UNC80: variants seen among roughly 807,000 people sequenced by gnomAD.
UNC80 encodes the protein protein unc-80 homolog.
Under a neutral mutation model 384.6 loss-of-function variants are expected in UNC80, and 164 were observed. The ratio of observed to expected loss-of-function variants is 0.43; its 90% CI spans 0.38 to 0.49. The LOEUF (loss-of-function observed/expected upper bound fraction) is 0.49. Among genes scored for constraint, UNC80 ranks in the 20% least tolerant of loss-of-function variants. UNC80 has a pLI of 0.00. For synonymous variants in UNC80, 1,486 were observed against 1,527.8 expected (o/e 0.97, Z 0.64); for missense variants, 3,330 against 4,143.0 (o/e 0.80, Z 5.39).
At chr2:209,860,988 C>T (rs184212108) in intron 22 of UNC80, among the ~76,000 whole-genome samples, 1 of 152,372 alleles carries the variant, frequency 6.6e-6, no homozygotes, top group Admixed American at 6.5e-5. Context: ...ATCATGTCGT[C>T]TGCAAACAAT....
chr2:209,844,917 A>C (rs1407483524), intron 21 of UNC80, among the ~76,000 whole-genome samples: 1 of 151,786 alleles, frequency 6.6e-6, no homozygotes, highest in Admixed American at 6.6e-5. Flanking sequence ...ATTTCTTCTT[A>C]AGTGAACTTT....
At chr2:209,954,687 T>G (rs1295553746) in intron 48 of UNC80, among the ~76,000 whole-genome samples, 1 of 152,242 alleles carries the variant, frequency 6.6e-6, no homozygotes, top group Non-Finnish European at 1.5e-5. Context: ...CTAAGTATTC[T>G]TTTATTATTT....
At chr2:209,785,892 C>T (rs1001920527) in intron 4 of UNC80, among the ~76,000 whole-genome samples, 174 bp from the exon 5 acceptor site, 1 of 152,128 alleles carries the variant, frequency 6.6e-6, no homozygotes, top group Non-Finnish European at 1.5e-5. Context: ...GCAGTGATAA[C>T]TTTGGGTCAT....
intron 35 of UNC80, among the ~76,000 whole-genome samples, chr2:209,924,473 G>GCA (rs1186586953): frequency 5.3e-5 from 8 of 152,180 alleles, no homozygotes; most frequent in African/African-American, 7.2e-5. Flanking sequence ...GTGTGTTGAG[G>GCA]CACATCTTCA....
At chr2:209,841,572 G>C (rs1055909547) in intron 20 of UNC80, among the ~76,000 whole-genome samples, 7 of 152,086 alleles carry the variant, frequency 4.6e-5, no homozygotes, top group Admixed American at 2.0e-4. Context: ...GGATGGTCTC[G>C]ATCTCTTGAT....
Position 209,979,485 on chromosome 2 carries a change from G to A in UNC80, c.9118+777G>A, listed in dbSNP as rs549989124. On this transcript the variant is annotated intron_variant, in intron 59 of 64. Transcript: ENST00000673920. ...AAAAGACCAGTTGGCTCTACCAGCC[G>A]GTATGTAAACCAGCAGGCTGTCTTG... 6.6e-5 allele frequency among the ~76,000 whole-genome samples: 10 copies of A among 152,240 alleles called. No individual in the cohort carries two copies. In the East Asian group the frequency reaches 1.4e-3, roughly 21 times the overall value.
intron 47 of UNC80, among the ~76,000 whole-genome samples, chr2:209,948,739 C>T (rs900473995): frequency 2.0e-5 from 3 of 151,948 alleles, no homozygotes; most frequent in East Asian, 1.9e-4. Flanking sequence ...TTTCTGATCC[C>T]GGGGTATGGA....
At chr2:209,888,325 A>T in intron 26 of UNC80, 65 bp downstream of exon 26, 1 of 1,513,222 alleles carries the variant, frequency 6.6e-7, no homozygotes, top group Non-Finnish European at 8.9e-7. Flanking sequence ...TATTTGCACT[A>T]GGGTCTAAAC....
In UNC80 at chr2:209,992,169, G is replaced by A. The variant is rs1227631080; in HGVS notation, c.9318G>A (p.Val3106=). 4.5e-6 allele frequency: 7 copies of A among 1,551,480 alleles called. No homozygotes were observed. The Admixed American group carries it at 1.4e-4, about 30-fold the overall frequency. The change falls in exon 62 of 65, where the codon GTG becomes GTA. Residue 3106 remains valine (V), a synonymous_variant. Coordinates refer to ENST00000673920, the MANE Select transcript of UNC80 (RefSeq NM_001371986.1). ...GLAAEGSLSR[V]ASIQSEPGQQ... ...TAACACTGTTGATGCTTGGCAGGGTGGCAAGTATACAGAGTGAACCTGGTC... is the reference window on the plus strand; with the variant it reads ...TAACACTGTTGATGCTTGGCAGGGTAGCAAGTATACAGAGTGAACCTGGTC...
intron 61 of UNC80, among the ~76,000 whole-genome samples, chr2:209,988,101 A>G (rs1338862376): frequency 9.9e-5 from 15 of 152,180 alleles, no homozygotes; most frequent in Non-Finnish European, 1.6e-4. Flanking sequence ...ATTTTAAACA[A>G]TAATCTTTTA....
rs368238354 is a variant in UNC80 at position 209,874,426 on chromosome 2, G to A, written c.3840+1456G>A. Among the ~76,000 whole-genome samples, 12 of 152,308 alleles carry A rather than the reference G, an allele frequency of 7.9e-5. No homozygotes were observed. The South Asian group carries it at 2.5e-3, about 32-fold the overall frequency. On this transcript the variant is annotated intron_variant, in intron 23 of 64. Transcript: ENST00000673920. ...GAAAACCATTAAGTGCTACACATTTGAGAGTTTCAGGTTTATAGGGAGATT... is the reference window on the plus strand; with the variant it reads ...GAAAACCATTAAGTGCTACACATTTAAGAGTTTCAGGTTTATAGGGAGATT...
intron 40 of UNC80, 59 bp from the exon 41 acceptor site, chr2:209,936,785 A>T: frequency 5.0e-6 from 6 of 1,208,904 alleles, no homozygotes; most frequent in Non-Finnish European, 6.0e-6. Flanking sequence ...TCACCTTACT[A>T]CCTAGCACAT....
In UNC80 at chr2:209,872,193, A is replaced by G. The variant is rs189670845; in HGVS notation, c.3628-565A>G. On this transcript the variant is annotated intron_variant, in intron 22 of 64. Coordinates refer to ENST00000673920, the MANE Select transcript of UNC80 (RefSeq NM_001371986.1). The surrounding 1 kb of genome is among the most constrained non-coding windows in gnomAD (Gnocchi z 4.1). ...TTTTTAGTGGAGATGAAGTTTCATCATGTTGGCCAGGCTGGTCTTGAACTT... is the reference window on the plus strand; with the variant it reads ...TTTTTAGTGGAGATGAAGTTTCATCGTGTTGGCCAGGCTGGTCTTGAACTT... 7.9e-5 allele frequency among the ~76,000 whole-genome samples: 12 copies of G among 152,120 alleles called. No homozygotes were observed. The highest frequency in any genetic ancestry group is 2.9e-4 in the African/African-American group (12 of 41,510).
At chr2:209,915,144 A>G in intron 31 of UNC80, among the ~76,000 whole-genome samples, 1 of 151,926 alleles carries the variant, frequency 6.6e-6, no homozygotes, top group Non-Finnish European at 1.5e-5. Flanking sequence ...CAGGAAGGGA[A>G]GATGGTGTGT....
chr2:209,808,712 G>A (rs535565572), intron 7 of UNC80: 1 of 210,458 alleles, frequency 4.8e-6, no homozygotes, highest in South Asian at 6.5e-5. Flanking sequence ...AGTTGGCGGA[G>A]CGGCTGCACT....
chr2:209,953,174 T>G (rs2092264810), intron 47 of UNC80, among the ~76,000 whole-genome samples: 1 of 152,050 alleles, frequency 6.6e-6, no homozygotes, highest in Non-Finnish European at 1.5e-5. Context: ...TCCCAGATCT[T>G]TGGGAGGCTG....
At chr2:209,941,520 A>G (rs1272682033) in intron 44 of UNC80, 31 bp downstream of exon 44, 3 of 1,511,794 alleles carry the variant, frequency 2.0e-6, no homozygotes, top group Admixed American at 2.0e-5. Context: ...CAACCAGAAA[A>G]TTAACATGAG....
intron 47 of UNC80, among the ~76,000 whole-genome samples, chr2:209,950,911 G>A (rs1455207569): frequency 6.6e-6 from 1 of 151,706 alleles, no homozygotes; most frequent in Middle Eastern, 3.2e-3. Context: ...AGTGGCTCAC[G>A]CCTGGAATCC....
In UNC80 at chr2:209,963,263, TTC is replaced by T. The variant is rs2125004749; in HGVS notation, c.7805+3560_7805+3561del. On this transcript the variant is annotated intron_variant, in intron 51 of 64. Coordinates refer to ENST00000673920, the MANE Select transcript of UNC80 (RefSeq NM_001371986.1). ...TCGTGTGTGGTCTCTATCTCTCTCA[TTC>T]TCTTTCTCTCTTTCTCTTTTCCTCT... Among the ~76,000 whole-genome samples, 2 of 152,320 alleles carry T rather than the reference TTC, an allele frequency of 1.3e-5. 1 individual carries two copies. The highest frequency in any genetic ancestry group is 4.1e-4 in the South Asian group (2 of 4,826).
Sources: gnomAD v4.1 joint callset for allele counts (sites outside exome capture counted in the v4.1 genomes callset) on GRCh38, gnomAD v4.1.1 for gene constraint, Gnocchi (gnomAD v3.1) non-coding constraint, MANE v1.5 for transcripts, NCBI Gene and HGNC (gene_info 2026-07-23, HGNC 2026-07-21) for gene names.